The following PXYLP1 variants were observed in gnomAD, a reference collection of about 807,000 sequenced individuals.
PXYLP1 encodes the protein 2-phosphoxylose phosphatase 1.
A neutral mutation model predicts 37.9 loss-of-function variants in PXYLP1; 17 were observed. That is an observed-to-expected ratio of 0.45 (90% CI 0.31 to 0.67). PXYLP1 has a LOEUF of 0.67. Ranked by LOEUF, PXYLP1 falls within the 30% of genes least tolerant of loss-of-function variation. PXYLP1 has a pLI of 0.07. For missense variants in PXYLP1, 511 were observed against 612.0 expected, an observed-to-expected ratio of 0.84 and a Z score of 1.74; for synonymous variants, 221 against 232.2, an observed-to-expected ratio of 0.95 and a Z score of 0.44.
intron 2 of PXYLP1, chr3:141,272,811 A>G (rs1212795042): frequency 5.0e-6 from 1 of 201,448 alleles, no homozygotes; most frequent in Non-Finnish European, 8.8e-6. Flanking sequence ...TTCCAGCTGC[A>G]TTGGCAGCTT....
chr3:141,251,585 C>T (rs1366490116), intron 1 of PXYLP1, among the ~76,000 whole-genome samples: 2 of 152,198 alleles, frequency 1.3e-5, no homozygotes, highest in Non-Finnish European at 2.9e-5. Context: ...TTAGAAGCAT[C>T]TGCCACATAG....
chr3:141,257,958 A>AGT (rs1941302656), intron 1 of PXYLP1, among the ~76,000 whole-genome samples: 1 of 151,014 alleles, frequency 6.6e-6, no homozygotes, highest in Non-Finnish European at 1.5e-5. Flanking sequence ...AAGAAAATGC[A>AGT]GTGTCAAGTA....
chr3:141,285,274 G>A lies in PXYLP1; in HGVS notation c.366-2040G>A, dbSNP rs180774137. 2.6e-3 allele frequency among the ~76,000 whole-genome samples: 383 copies of A among 149,916 alleles called. 2 individuals are homozygous for A. The highest frequency in any genetic ancestry group is 9.0e-3 in the African/African-American group (367 of 40,596). ...TGATCCTCCTGCTTTAGCCTCCTGA[G>A]TGGCTGAGACTATAGGCCTGCGCCA... On this transcript the variant is annotated intron_variant, in intron 4 of 5. Coordinates refer to ENST00000286353, the MANE Select transcript of PXYLP1 (RefSeq NM_001037172.3).
chr3:141,251,741 C>G (rs544708596), intron 1 of PXYLP1, among the ~76,000 whole-genome samples: 1 of 152,186 alleles, frequency 6.6e-6, no homozygotes, highest in Non-Finnish European at 1.5e-5. Flanking sequence ...GGCCTCTCTT[C>G]AGGTAAATGA....
intron 1 of PXYLP1, among the ~76,000 whole-genome samples, chr3:141,259,701 T>C (rs1444763459): frequency 6.6e-6 from 1 of 152,198 alleles, no homozygotes; most frequent in Non-Finnish European, 1.5e-5. Context: ...ACCAAGATCA[T>C]TTCAGCAGAA....
intron 2 of PXYLP1, among the ~76,000 whole-genome samples, chr3:141,266,492 G>A (rs1941514255): frequency 6.6e-6 from 1 of 152,250 alleles, no homozygotes; most frequent in East Asian, 1.9e-4. Flanking sequence ...AGGACAAGGG[G>A]CCACGAAGGA....
intron 2 of PXYLP1, chr3:141,273,326 A>C (rs1576596898): frequency 2.0e-6 from 2 of 985,054 alleles, no homozygotes; most frequent in Non-Finnish European, 2.4e-6. Context: ...ACCTTAGGTA[A>C]CTCCCTTGAC....
At chr3:141,277,719 G>A (rs892239238) in intron 2 of PXYLP1, among the ~76,000 whole-genome samples, 1 of 152,192 alleles carries the variant, frequency 6.6e-6, no homozygotes, top group Non-Finnish European at 1.5e-5. Flanking sequence ...GAGGGTAGTA[G>A]ATGGACAAGC....
chr3:141,279,266 G>A, intron 3 of PXYLP1, 112 bp from the exon 4 acceptor site: 1 of 1,402,456 alleles, frequency 7.1e-7, no homozygotes, highest in Non-Finnish European at 9.8e-7. Flanking sequence ...GGCCCCTGCT[G>A]CCTCCGGCTC....
In PXYLP1 at chr3:141,260,196, C is replaced by G; in HGVS notation, c.21C>G (p.Phe7Leu). The change falls in exon 2 of 6, where the codon TTC becomes TTG. Residue 7 changes from phenylalanine (F) to leucine (L), a missense_variant. By Grantham distance (22) the Phe-to-Leu change is conservative. Coordinates refer to ENST00000286353, the MANE Select transcript of PXYLP1 (RefSeq NM_001037172.3). ...TAATAATGCTTTTCCGCAACCGCTT[C>G]TTGCTGCTGCTGGCCCTGGCTGCGC... MLFRNR[F>L]LLLLALAALL... 6 of 1,613,902 alleles carry G rather than the reference C, an allele frequency of 3.7e-6. No homozygotes were observed. The highest frequency in any genetic ancestry group is 4.2e-6 in the Non-Finnish European group (5 of 1,180,044).
At chr3:141,273,449 A>G (rs35730148) in intron 2 of PXYLP1, 12,569 of 983,400 alleles carry the variant, frequency 0.013, 96 homozygotes, top group Admixed American at 0.014. Context: ...AGCTATAGCT[A>G]TGGGAATGTT....
At chr3:141,240,458 A>G (rs940959728) in intron 1 of PXYLP1, among the ~76,000 whole-genome samples, 1 of 152,094 alleles carries the variant, frequency 6.6e-6, no homozygotes, top group African/African-American at 2.4e-5. Flanking sequence ...AGGAAGGAAC[A>G]TGGAGGATGG....
rs1559901256 is a variant in PXYLP1 at position 141,294,914 on chromosome 3, T to TA, written c.*1715dup. ...AATAAAAGTGACTCGGAAGATTTTT[T>TA]AAAAAATCAATTGATAGTATCTGTT... is the stretch of plus-strand genomic sequence containing the variant. On this transcript the variant is annotated 3_prime_UTR_variant, in exon 6 of 6. Coordinates refer to ENST00000286353, the MANE Select transcript of PXYLP1 (RefSeq NM_001037172.3). 6.6e-6 allele frequency: 1 copy of TA among 152,230 alleles called. No homozygotes were observed. Among genetic ancestry groups the TA allele is most frequent in the East Asian group, 1.9e-4 (1 of 5,204 alleles). The allele number at this position is 152,230 out of a possible 1,614,324, so 9.4% of individuals were successfully genotyped here.
In PXYLP1 at chr3:141,272,898, C is replaced by T. The variant is rs570265535; in HGVS notation, c.80-5444C>T. 3.6e-4 allele frequency: 307 copies of T among 845,346 alleles called. 2 individuals are homozygous for T. In the African/African-American group the frequency reaches 5.5e-3, roughly 15 times the overall value. The allele number at this position is 845,346 out of a possible 1,614,324, so 52.4% of individuals were successfully genotyped here. A position where few individuals can be genotyped will look rare whatever the true frequency, so the allele number is the denominator to read the frequency against. On this transcript the variant is annotated intron_variant, in intron 2 of 5. Transcript: ENST00000286353. ...TGACTCAAATGTAAATCTCCTTTGG[C>T]AGCACACTCATAGACACACCAAGGA...
At chr3:141,260,626 G>A (rs1480396936) in intron 2 of PXYLP1, among the ~76,000 whole-genome samples, 2 of 152,202 alleles carry the variant, frequency 1.3e-5, no homozygotes, top group Non-Finnish European at 2.9e-5. Flanking sequence ...GTCAGCCGCG[G>A]GGCTGGAGTT....
At chr3:141,262,364 G>A (rs1181572221) in intron 2 of PXYLP1, 1 of 1,032,234 alleles carries the variant, frequency 9.7e-7, no homozygotes, top group East Asian at 6.8e-5. Flanking sequence ...TAGTTTAATT[G>A]TTTATAAATT....
intron 2 of PXYLP1, chr3:141,273,061 G>T (rs546136301): frequency 1.0e-6 from 1 of 985,470 alleles, no homozygotes; most frequent in African/African-American, 1.7e-5. Flanking sequence ...CCAGCAACCA[G>T]TGAGTGCAGG....
chr3:141,262,408 G>A, intron 2 of PXYLP1: 1 of 916,408 alleles, frequency 1.1e-6, no homozygotes. Context: ...TGGTTGGAGA[G>A]GTAGGATGTT....
chr3:141,238,253 C>T (rs1398405578), intron 1 of PXYLP1, among the ~76,000 whole-genome samples: 1 of 152,206 alleles, frequency 6.6e-6, no homozygotes, highest in East Asian at 1.9e-4. Flanking sequence ...GCATGGGTTT[C>T]CTAACTGGTG....
Sources: gnomAD v4.1 joint callset for allele counts (sites outside exome capture counted in the v4.1 genomes callset) on GRCh38, gnomAD v4.1.1 for gene constraint, MANE v1.5 for transcripts, NCBI Gene and HGNC (gene_info 2026-07-23, HGNC 2026-07-21) for gene names.